The following UNC80 variants were observed in gnomAD, a reference collection of about 807,000 sequenced individuals.
UNC80 encodes protein unc-80 homolog.
UNC80 carries 164 observed loss-of-function variants against 384.6 expected under a neutral mutation model. The ratio of observed to expected loss-of-function variants is 0.43; its 90% CI spans 0.38 to 0.49. The LOEUF (loss-of-function observed/expected upper bound fraction) is 0.49. UNC80 is among the 20% of genes least tolerant of loss of function. UNC80 has a pLI of 0.00. For synonymous variants in UNC80, 1,486 were observed against 1,527.8 expected (o/e 0.97, Z 0.64); for missense variants, 3,330 against 4,143.0 (o/e 0.80, Z 5.39).
intron 18 of UNC80, among the ~76,000 whole-genome samples, chr2:209,837,867 G>A (rs1166256087): frequency 6.6e-6 from 1 of 151,774 alleles, no homozygotes. Flanking sequence ...CTCCTCCTGG[G>A]TTCACACCAT....
Position 209,945,065 on chromosome 2 carries a change from T to C in UNC80, c.7065T>C (p.Asn2355=), listed in dbSNP as rs746895204. 10 of 1,551,522 alleles carry C rather than the reference T, an allele frequency of 6.4e-6. No individual in the cohort carries two copies. In the African/African-American group the frequency reaches 1.1e-4, roughly 17 times the overall value. The change falls in exon 46 of 65, where the codon AAT becomes AAC. Residue 2355 remains asparagine (N), a synonymous_variant. Transcript: ENST00000673920. The part of the protein sequence containing the change: ...PLLEFPDAAN[N]GPSKGVSAQC... The stretch of plus-strand genomic sequence containing the variant: ...TTCTTTATCAGGATGCTGCCAATAA[T>C]GGGCCCAGCAAAGGTGTGTCAGCTC...
Position 209,896,320 on chromosome 2 carries a change from T to C in UNC80, c.4488T>C (p.Ser1496=), listed in dbSNP as rs771086426. 10 of 1,551,110 alleles carry C rather than the reference T, an allele frequency of 6.4e-6. No individual in the cohort carries two copies. Among genetic ancestry groups the C allele is most frequent in the East Asian group, 4.9e-5 (2 of 40,884 alleles). The change falls in exon 28 of 65, where the codon AGT becomes AGC. Residue 1496 remains serine, a synonymous_variant. Coordinates refer to ENST00000673920, the MANE Select transcript of UNC80 (RefSeq NM_001371986.1). Reference sequence around the variant, plus strand: ...GGTATTTTTCTTTTGAAGAAGGGAGTCCTTGGAGTGCAAGCGAGCCCAGCA... The same window carrying C: ...GGTATTTTTCTTTTGAAGAAGGGAGCCCTTGGAGTGCAAGCGAGCCCAGCA... ...SRDTVTDLEG[S]PWSASEPSIE...
At chr2:209,945,971 T>C in intron 47 of UNC80, 28 bp downstream of exon 47, 1 of 1,445,396 alleles carries the variant, frequency 6.9e-7, no homozygotes, top group Admixed American at 2.0e-5. Flanking sequence ...TTCTGTGCCT[T>C]GTGATAAGTA....
At chr2:209,813,385 T>C (rs1371154671) in intron 7 of UNC80, among the ~76,000 whole-genome samples, 195 bp from the exon 8 acceptor site, 1 of 152,204 alleles carries the variant, frequency 6.6e-6, no homozygotes, top group East Asian at 1.9e-4. Context: ...ACTCTCTCAA[T>C]ATCTCTACTT....
intron 26 of UNC80, among the ~76,000 whole-genome samples, chr2:209,893,160 T>C (rs1054398632): frequency 1.3e-5 from 2 of 152,224 alleles, no homozygotes; most frequent in Non-Finnish European, 2.9e-5. Flanking sequence ...AACTTTCTGA[T>C]TGGGAATTTT....
intron 48 of UNC80, among the ~76,000 whole-genome samples, chr2:209,956,903 G>T (rs1377398480): frequency 6.6e-6 from 1 of 152,162 alleles, no homozygotes; most frequent in African/African-American, 2.4e-5. Context: ...ATCGTTAAAA[G>T]CTTACTTTCT....
At chr2:209,777,133 C>T in intron 3 of UNC80, 125 bp from the exon 4 acceptor site, 2 of 1,108,778 alleles carry the variant, frequency 1.8e-6, no homozygotes, top group Non-Finnish European at 2.5e-6. Context: ...CAAGAATGAG[C>T]CCTGCTAGCA....
chr2:209,811,889 G>A (rs2079378134), intron 7 of UNC80, among the ~76,000 whole-genome samples: 1 of 152,124 alleles, frequency 6.6e-6, no homozygotes, highest in Non-Finnish European at 1.5e-5. Context: ...ATAATTTGCA[G>A]GGCACAGATA....
chr2:209,835,905 T>C (rs554666213), intron 18 of UNC80, among the ~76,000 whole-genome samples: 3 of 152,334 alleles, frequency 2.0e-5, no homozygotes, highest in African/African-American at 7.2e-5. Context: ...AGAGTTCTTG[T>C]AGCACTTCAA....
intron 51 of UNC80, among the ~76,000 whole-genome samples, chr2:209,964,510 CG>C (rs2092687859): frequency 6.6e-6 from 1 of 152,048 alleles, no homozygotes; most frequent in Non-Finnish European, 1.5e-5. Flanking sequence ...AAGATAAGGC[CG>C]GGCGCGGTTG....
intron 7 of UNC80, chr2:209,808,767 T>TTCTGCGCTACTCAGTGACCTCGTTGCC (rs2079104729): frequency 8.4e-5 from 5 of 59,218 alleles, no homozygotes; most frequent in East Asian, 1.0e-3. Context: ...CCTGCGCTAC[T>TTCTGCGCTACTCAGTGACCTCGTTGCC]TCTGCGCTAC....
intron 7 of UNC80, among the ~76,000 whole-genome samples, chr2:209,803,587 C>A (rs1559116036): frequency 6.6e-6 from 1 of 152,052 alleles, no homozygotes; most frequent in Non-Finnish European, 1.5e-5. Flanking sequence ...CATTATTGGC[C>A]TAGATATTCT....
At chr2:209,887,377 T>C (rs2085918665) in intron 25 of UNC80, among the ~76,000 whole-genome samples, 1 of 152,088 alleles carries the variant, frequency 6.6e-6, no homozygotes, top group African/African-American at 2.4e-5. Context: ...ATCTCTCTCA[T>C]CTTTCTTTCA....
chr2:209,925,193 T>C (rs748184884), intron 35 of UNC80, among the ~76,000 whole-genome samples: 21 of 152,156 alleles, frequency 1.4e-4, no homozygotes, highest in Non-Finnish European at 2.4e-4. Context: ...AGTATTCTCA[T>C]TGCTTTTACG....
intron 21 of UNC80, among the ~76,000 whole-genome samples, chr2:209,845,467 T>C (rs1038990130): frequency 3.3e-5 from 5 of 152,246 alleles, no homozygotes; most frequent in Non-Finnish European, 7.3e-5. Flanking sequence ...CATTCTGGAC[T>C]TTGTGTTTTT....
At chr2:209,883,725 A>G (rs1574878826) in intron 25 of UNC80, among the ~76,000 whole-genome samples, 1 of 152,074 alleles carries the variant, frequency 6.6e-6, no homozygotes, top group East Asian at 1.9e-4. Context: ...GAGCCACAGC[A>G]TCTGGCCCCC....
At position 209,998,587 on chromosome 2, in the gene UNC80, C is replaced by G. The variant is rs2093515700; in HGVS notation, c.*2992C>G. On this transcript the variant is annotated 3_prime_UTR_variant, in exon 65 of 65. Coordinates refer to ENST00000673920, the MANE Select transcript of UNC80 (RefSeq NM_001371986.1). ...TCCTCTCTTCTTTAGCATTATATTC[C>G]TTTAGTCAACAAAGAACTTTCTCCA... 6.6e-6 allele frequency: 1 copy of G among 152,152 alleles called. No homozygotes were observed. Among genetic ancestry groups the G allele is most frequent in the Admixed American group, 6.5e-5 (1 of 15,272 alleles). The allele number at this position is 152,152 out of a possible 1,614,324, so 9.4% of individuals were successfully genotyped here. A position where few individuals can be genotyped will look rare whatever the true frequency, so the allele number is the denominator to read the frequency against.
rs1387284324 is a variant in UNC80, at chr2:209,839,251, G to T, written c.3071G>T (p.Gly1024Val). Reference protein sequence around the residue: ...HDEQMQGANLGRKDFWRKMFK... With the variant: ...HDEQMQGANLVRKDFWRKMFK... ...GAACAAATGCAAGGAGCCAACTTGGGGCGGAAAGATTTCTGGCGTAAGATG... is the reference window on the plus strand; with the variant it reads ...GAACAAATGCAAGGAGCCAACTTGGTGCGGAAAGATTTCTGGCGTAAGATG... The change falls in exon 19 of 65, where the codon GGG becomes GTG. Residue 1024 changes from glycine (G) to valine (V), a missense_variant. Physicochemically the swap from Gly to Val is moderately radical, Grantham distance 109. Transcript: ENST00000673920. The surrounding 1 kb of genome is among the most constrained non-coding windows in gnomAD (Gnocchi z 4.1). 6.4e-7 allele frequency: 1 copy of T among 1,551,508 alleles called. No individual in the cohort carries two copies. The highest frequency in any genetic ancestry group is 2.0e-5 in the Admixed American group (1 of 50,990).
intron 23 of UNC80, among the ~76,000 whole-genome samples, chr2:209,877,444 A>G (rs1278504481): frequency 6.6e-6 from 1 of 152,224 alleles, no homozygotes; most frequent in Admixed American, 6.5e-5. Context: ...AAAGGTCTAT[A>G]AAAGAAGCCA....
Sources: gnomAD v4.1 joint callset for allele counts (sites outside exome capture counted in the v4.1 genomes callset) on GRCh38, gnomAD v4.1.1 for gene constraint, Gnocchi (gnomAD v3.1) non-coding constraint, MANE v1.5 for transcripts, NCBI Gene and HGNC (gene_info 2026-07-23, HGNC 2026-07-21) for gene names.